The following SLCO1B3 variants were observed in gnomAD, a reference collection of about 807,000 sequenced individuals.
SLCO1B3 encodes the protein solute carrier organic anion transporter family member 1B3, also known as liver-specific organic anion transporter 2.
Under a neutral mutation model 71.8 loss-of-function variants are expected in SLCO1B3, and 72 were observed. That is an observed-to-expected ratio of 1.00 (90% CI 0.83 to 1.22). The LOEUF (loss-of-function observed/expected upper bound fraction) is 1.22, where lower values mean the gene tolerates loss of function less well. SLCO1B3 is among the 50% of genes most tolerant of loss of function. SLCO1B3 has a pLI of 0.00. For missense variants in SLCO1B3, 911 were observed against 819.7 expected, an observed-to-expected ratio of 1.11 and a Z score of -1.36; for synonymous variants, 298 against 278.4, an observed-to-expected ratio of 1.07 and a Z score of -0.70.
At chr12:20,844,045 C>T (rs185445330) in intron 3 of SLCO1B3, among the ~76,000 whole-genome samples, 1,931 of 151,800 alleles carry the variant, frequency 0.013, 14 homozygotes, top group Middle Eastern at 0.038. Flanking sequence ...ACTTATTATA[C>T]TCCTTTTAAG....
At chr12:20,859,077 T>C (rs1187248497) in intron 5 of SLCO1B3, 5 of 152,372 alleles carry the variant, frequency 3.3e-5, no homozygotes, top group Non-Finnish European at 7.3e-5. Flanking sequence ...TTTTTTCAAG[T>C]CCAAGGATGA....
At chr12:20,896,155 A>G (rs1866002791) in intron 13 of SLCO1B3, among the ~76,000 whole-genome samples, 1 of 152,128 alleles carries the variant, frequency 6.6e-6, no homozygotes, top group African/African-American at 2.4e-5. Flanking sequence ...TACCATGAAG[A>G]CTTCTCACAT....
intron 3 of SLCO1B3, chr12:20,845,130 C>T: frequency 2.2e-6 from 1 of 447,734 alleles, no homozygotes; most frequent in Admixed American, 2.4e-5. Flanking sequence ...TCCAGCAAGA[C>T]TTAGACTATG....
At chr12:20,882,383 A>T (rs1374741083) in intron 12 of SLCO1B3, among the ~76,000 whole-genome samples, 2 of 152,182 alleles carry the variant, frequency 1.3e-5, no homozygotes, top group Non-Finnish European at 2.9e-5. Flanking sequence ...ATCTTTCTTG[A>T]ACCATACGAG....
intron 14 of SLCO1B3, among the ~76,000 whole-genome samples, chr12:20,900,949 A>G (rs1330909400): frequency 3.3e-5 from 5 of 152,220 alleles, no homozygotes; most frequent in African/African-American, 7.2e-5. Context: ...TCAAGAAGTT[A>G]TAATTTAACT....
In SLCO1B3 at chr12:20,855,064, A is replaced by G. The variant is rs1267981710; in HGVS notation, c.121A>G (p.Lys41Glu). ...AGCCCTGTCATTCAGCTATATTGCT[A>G]AAGCACTAGGTGGAATCATTATGAA... Reference protein sequence around the residue: ...LAALSFSYIAKALGGIIMKIS... With the variant: ...LAALSFSYIAEALGGIIMKIS... Residue 41 changes from lysine to glutamate, a missense_variant, in exon 4 of 16, where the codon AAA (lysine) becomes GAA (glutamate). By Grantham distance (56) the Lys-to-Glu change is moderately conservative. Coordinates refer to ENST00000381545, the MANE Select transcript of SLCO1B3 (RefSeq NM_019844.4). 1.9e-6 allele frequency: 3 copies of G among 1,612,190 alleles called. No individual in the cohort carries two copies. The South Asian group carries it at 3.3e-5, about 18-fold the overall frequency.
At chr12:20,834,728 C>T (rs1184454923) in intron 3 of SLCO1B3, among the ~76,000 whole-genome samples, 2 of 152,044 alleles carry the variant, frequency 1.3e-5, no homozygotes, top group African/African-American at 4.8e-5. Flanking sequence ...AACAACCCTC[C>T]TCCCAGCTGC....
rs1850013 is a variant in SLCO1B3 at position 20,822,199 on chromosome 12, A to T, written c.84+6377A>T. 1.1e-3 allele frequency among the ~76,000 whole-genome samples: 161 copies of T among 152,068 alleles called. 4 individuals carry two copies. In the South Asian group the frequency reaches 0.033, roughly 31 times the overall value. ...ACGGCACCAAATTTCATGTGTGTCC[A>T]TGTGAAGAGACCACCAAACAGGCTT... On this transcript the variant is annotated intron_variant, in intron 3 of 15. Transcript: ENST00000381545.
intron 13 of SLCO1B3, among the ~76,000 whole-genome samples, chr12:20,887,906 G>A (rs1269444538): frequency 6.6e-6 from 1 of 151,736 alleles, no homozygotes; most frequent in Non-Finnish European, 1.5e-5. Flanking sequence ...TTTATATATG[G>A]TGAGAGATAC....
In SLCO1B3 at chr12:20,820,285, C is replaced by A. The variant is rs528537397; in HGVS notation, c.84+4463C>A. 1.1e-3 allele frequency among the ~76,000 whole-genome samples: 166 copies of A among 151,944 alleles called. 4 individuals are homozygous for A. In the South Asian group the frequency reaches 0.033, roughly 30 times the overall value. ...AGGCAGCATCAGTCTTCAGCCGCTA[C>A]GCCAAGAAGGAGTCAGTCAGAGAGC... On this transcript the variant is annotated intron_variant, in intron 3 of 15. Coordinates refer to ENST00000381545, the MANE Select transcript of SLCO1B3 (RefSeq NM_019844.4).
intron 3 of SLCO1B3, among the ~76,000 whole-genome samples, chr12:20,824,898 A>G (rs761448936): frequency 2.2e-4 from 34 of 152,194 alleles, no homozygotes; most frequent in Non-Finnish European, 4.4e-4. Context: ...ATGATAATAT[A>G]GGCTCATAGG....
intron 3 of SLCO1B3, among the ~76,000 whole-genome samples, chr12:20,849,250 T>G (rs1864975161): frequency 6.6e-6 from 1 of 152,022 alleles, no homozygotes; most frequent in South Asian, 2.1e-4. Flanking sequence ...CCTGGAAATT[T>G]AAGCATGATT....
At chr12:20,855,238 T>C in intron 4 of SLCO1B3, 69 bp downstream of exon 4, 1 of 1,306,814 alleles carries the variant, frequency 7.7e-7, no homozygotes, top group Admixed American at 2.1e-5. Flanking sequence ...TCATGCATGC[T>C]TTATATCACT....
chr12:20,868,616 T>A (rs10770754), intron 8 of SLCO1B3, among the ~76,000 whole-genome samples: 1 of 151,692 alleles, frequency 6.6e-6, no homozygotes, highest in Non-Finnish European at 1.5e-5. Context: ...GTGGGTCTCT[T>A]ACTGTGTGCG....
intron 3 of SLCO1B3, among the ~76,000 whole-genome samples, chr12:20,851,937 T>A (rs1865032587): frequency 6.6e-6 from 1 of 152,192 alleles, no homozygotes; most frequent in African/African-American, 2.4e-5. Context: ...CATGCAGTGT[T>A]GGCACCCTTG....
At position 20,858,639 on chromosome 12, in the gene SLCO1B3, T is replaced by G. The variant is rs1158733144; in HGVS notation, c.359+68T>G. ...GTAAATTAGCAGTAGAATTTTATTT[T>G]TATACTTGTAAGTGGGCAGTTACCT... On this transcript the variant is annotated intron_variant, in intron 5 of 15. Transcript: ENST00000381545. 2.1e-6 allele frequency: 3 copies of G among 1,463,392 alleles called. No homozygotes were observed. The East Asian group carries it at 6.8e-5, about 33-fold the overall frequency. The allele number at this position is 1,463,392 out of a possible 1,614,324, so 90.7% of individuals were successfully genotyped here.
chr12:20,856,880 A>G (rs1049170649), intron 4 of SLCO1B3, among the ~76,000 whole-genome samples: 7 of 152,158 alleles, frequency 4.6e-5, no homozygotes, highest in African/African-American at 1.7e-4. Context: ...CTTTTTACCT[A>G]AAGGACTTGA....
chr12:20,837,213 T>C (rs548269470), intron 3 of SLCO1B3, among the ~76,000 whole-genome samples: 1 of 152,224 alleles, frequency 6.6e-6, no homozygotes, highest in Admixed American at 6.5e-5. Context: ...TTTTTTCCCT[T>C]AGTTAACCTG....
chr12:20,861,642 AG>A (rs148726011), intron 6 of SLCO1B3, among the ~76,000 whole-genome samples: 6,551 of 152,266 alleles, frequency 0.043, 218 homozygotes, highest in East Asian at 0.18. Context: ...CTCTTTATAA[AG>A]ATGCAAAATG....
Sources: allele counts gnomAD v4.1 joint callset (sites outside exome capture counted in the v4.1 genomes callset), GRCh38; gene constraint gnomAD v4.1.1; transcripts MANE v1.5; gene names NCBI Gene and HGNC (gene_info 2026-07-23, HGNC 2026-07-21).